Variants in CTXN2 observed in about 807,000 individuals in gnomAD.
The protein encoded by CTXN2 is cortexin-2.
A neutral mutation model predicts 5.7 loss-of-function variants in CTXN2; 3 were observed. That is an observed-to-expected ratio of 0.53 (90% CI 0.24 to 1.36). CTXN2 has a LOEUF of 1.36. CTXN2 is among the 40% of genes most tolerant of loss of function. The pLI is 0.17. For synonymous variants in CTXN2, 38 were observed against 36.4 expected, an observed-to-expected ratio of 1.04 and a Z score of -0.16; for missense variants, 87 against 93.0, an observed-to-expected ratio of 0.94 and a Z score of 0.26.
chr15:48,182,862 G>A (rs1316274402), intron 1 of CTXN2, among the ~76,000 whole-genome samples: 1 of 152,096 alleles, frequency 6.6e-6, no homozygotes, highest in Non-Finnish European at 1.5e-5. Flanking sequence ...GGAAGAGCAG[G>A]AGTCACAAGG....
upstream of CTXN2, among the ~76,000 whole-genome samples, chr15:48,189,690 G>A (rs141090194): frequency 4.3e-4 from 66 of 152,308 alleles, no homozygotes; most frequent in East Asian, 0.013. Flanking sequence ...AATTATTTTT[G>A]TAACAGTTTG....
chr15:48,191,153 A>C (rs1164570586), upstream of CTXN2: 1 of 152,686 alleles, frequency 6.5e-6, no homozygotes, highest in Non-Finnish European at 1.5e-5. Flanking sequence ...TTCAGTCTCC[A>C]GTTAAATCAA....
intron 1 of CTXN2, among the ~76,000 whole-genome samples, chr15:48,179,565 G>C (rs2040673790): frequency 6.6e-6 from 1 of 152,270 alleles, no homozygotes; most frequent in Middle Eastern, 3.4e-3. Flanking sequence ...AATTGTGACA[G>C]ACAAAATCTG....
chr15:48,193,206 C>A (rs1191268453), intron 1 of CTXN2, among the ~76,000 whole-genome samples: 1 of 152,004 alleles, frequency 6.6e-6, no homozygotes, highest in Admixed American at 6.6e-5. Flanking sequence ...CTGACAATTG[C>A]CATGAAGGAA....
chr15:48,182,889 C>A (rs1203473145), intron 1 of CTXN2, among the ~76,000 whole-genome samples: 1 of 152,168 alleles, frequency 6.6e-6, no homozygotes, highest in Non-Finnish European at 1.5e-5. Context: ...GGCCAAGGAT[C>A]CCTCTGACCT....
At chr15:48,196,435 A>G (rs1179866950) in intron 1 of CTXN2, among the ~76,000 whole-genome samples, 1 of 152,122 alleles carries the variant, frequency 6.6e-6, no homozygotes, top group African/African-American at 2.4e-5. Context: ...AACACTGAAA[A>G]CATGCGTAGA....
chr15:48,182,979 C>T (rs940159762), intron 1 of CTXN2, among the ~76,000 whole-genome samples: 13 of 152,140 alleles, frequency 8.5e-5, no homozygotes, highest in African/African-American at 3.1e-4. Context: ...TTGCTGATAC[C>T]CACAAAGTTA....
chr15:48,200,375 G>A (rs1370984487), intron 1 of CTXN2, among the ~76,000 whole-genome samples: 1 of 152,126 alleles, frequency 6.6e-6, no homozygotes, highest in Admixed American at 6.6e-5. Context: ...TTTTGTTTCA[G>A]TTGAACATAT....
chr15:48,186,102 G>A (rs993874224), intron 1 of CTXN2, among the ~76,000 whole-genome samples: 9 of 152,006 alleles, frequency 5.9e-5, no homozygotes, highest in Non-Finnish European at 1.0e-4. Context: ...TCATACATTC[G>A]TGGAGATTGT....
Position 48,202,280 on chromosome 15 carries a change from A to G in CTXN2, c.*734A>G, listed in dbSNP as rs1024878686. On this transcript the variant is annotated 3_prime_UTR_variant, in exon 2 of 2. Transcript: ENST00000417307. ...GAAAGAGTACTCTAAGCAGAAACAAAGACAGTCTCAGCTGTGCCACCAGTA... is the reference window on the plus strand; with the variant it reads ...GAAAGAGTACTCTAAGCAGAAACAAGGACAGTCTCAGCTGTGCCACCAGTA... 3 of 167,114 alleles carry G rather than the reference A, an allele frequency of 1.8e-5. No homozygotes were observed. The highest frequency in any genetic ancestry group is 4.4e-5 in the Non-Finnish European group (3 of 68,170). 10.4% of individuals were successfully genotyped at this position (167,114 alleles called of 1,614,324 possible).
rs1375336752 is a variant in CTXN2, at chr15:48,191,676, A to G, written c.-235A>G. The G allele has an allele frequency of 6.6e-6, 3 of 455,434 alleles. No homozygotes were observed. The highest frequency in any genetic ancestry group is 6.0e-5 in the African/African-American group (3 of 50,042). 28.2% of individuals were successfully genotyped at this position (455,434 alleles called of 1,614,324 possible). A position where few individuals can be genotyped will look rare whatever the true frequency, so the allele number is the denominator to read the frequency against. ...CGCCCACGTCCTCTGTCTCACCAAC[A>G]GACACAGACATTTACACTTCTAGGC... On this transcript the variant is annotated 5_prime_UTR_variant, in exon 1 of 2. Transcript: ENST00000417307.
In CTXN2 at chr15:48,181,745, A is replaced by T. The variant is rs1307087502; in HGVS notation, c.-455+3345A>T. Among the ~76,000 whole-genome samples the T allele has an allele frequency of 2.6e-5, 4 of 152,308 alleles. No individual in the cohort carries two copies. In the East Asian group the frequency reaches 7.7e-4, roughly 29 times the overall value. The stretch of plus-strand genomic sequence containing the variant: ...ATAAATAGATTACCTTCTCTGGGGT[A>T]TTCAGAAACTCAAAAAAGAAAAAAG... On this transcript the variant is annotated intron_variant, in intron 1 of 2. Coordinates refer to the CTXN2 transcript ENST00000644354.
chr15:48,198,070 A>G (rs1040100263), intron 1 of CTXN2, among the ~76,000 whole-genome samples: 2 of 152,184 alleles, frequency 1.3e-5, no homozygotes, highest in African/African-American at 4.8e-5. Context: ...AGATGGCTAT[A>G]TACCTTTCCT....
intron 1 of CTXN2, among the ~76,000 whole-genome samples, chr15:48,193,390 A>G (rs1000567308): frequency 2.9e-4 from 14 of 48,194 alleles, no homozygotes; most frequent in Middle Eastern, 0.023. Flanking sequence ...TATTTTACCC[A>G]ATTTTGTGGT....
At chr15:48,199,863 A>G (rs1335804451) in intron 1 of CTXN2, among the ~76,000 whole-genome samples, 3 of 152,130 alleles carry the variant, frequency 2.0e-5, no homozygotes, top group Non-Finnish European at 4.4e-5. Flanking sequence ...TTTGAACAAT[A>G]TTTTTTCCCT....
intron 1 of CTXN2, among the ~76,000 whole-genome samples, chr15:48,184,933 G>A (rs1021183579): frequency 6.6e-6 from 1 of 151,940 alleles, no homozygotes; most frequent in Non-Finnish European, 1.5e-5. Flanking sequence ...ATAAACTGTG[G>A]CATATCCATA....
At chr15:48,181,116 A>C (rs1282822419) in intron 1 of CTXN2, among the ~76,000 whole-genome samples, 1 of 152,228 alleles carries the variant, frequency 6.6e-6, no homozygotes, top group African/African-American at 2.4e-5. Context: ...TGTATCACTT[A>C]GGAATTGTGT....
upstream of CTXN2, among the ~76,000 whole-genome samples, chr15:48,187,167 G>A (rs917903124): frequency 8.1e-5 from 12 of 148,892 alleles, no homozygotes; most frequent in African/African-American, 2.7e-4. Flanking sequence ...TCCTCCCCCC[G>A]AAACAATGAT....
At chr15:48,179,620 G>A (rs1223942453) in intron 1 of CTXN2, among the ~76,000 whole-genome samples, 1 of 152,104 alleles carries the variant, frequency 6.6e-6, no homozygotes, top group Non-Finnish European at 1.5e-5. Flanking sequence ...AACTCCCTGG[G>A]CAAGTCACCT....
Sources: gnomAD v4.1 joint callset for allele counts (sites outside exome capture counted in the v4.1 genomes callset) on GRCh38, gnomAD v4.1.1 for gene constraint, MANE v1.5 for transcripts, NCBI Gene and HGNC (gene_info 2026-07-23, HGNC 2026-07-21) for gene names.